The following ADAM22 variants were observed in gnomAD, a reference collection of about 807,000 sequenced individuals.
ADAM22 encodes the protein ADAM metallopeptidase domain 22.
In ADAM22, 65 loss-of-function variants were observed where a neutral mutation model predicts 144.6. That is an observed-to-expected ratio of 0.45 (90% CI 0.37 to 0.55). ADAM22 has a LOEUF of 0.55. Ranked by LOEUF, ADAM22 falls within the 20% of genes least tolerant of loss-of-function variation. The pLI, the probability that ADAM22 is intolerant of heterozygous loss-of-function variation, is 0.00. For synonymous variants in ADAM22, 391 were observed against 412.6 expected (o/e 0.95, Z 0.63); for missense variants, 974 against 1,184.9 (o/e 0.82, Z 2.61).
intron 5 of ADAM22, among the ~76,000 whole-genome samples, chr7:88,113,686 T>A (rs1336833259): frequency 3.2e-4 from 21 of 66,368 alleles, no homozygotes; most frequent in African/African-American, 1.4e-3. Flanking sequence ...AATATATATA[T>A]TATAAATAAA....
At chr7:88,157,085 A>C (rs1360708199) in intron 22 of ADAM22, among the ~76,000 whole-genome samples, 1 of 152,162 alleles carries the variant, frequency 6.6e-6, no homozygotes, top group East Asian at 1.9e-4. Context: ...ATCTTCCAGA[A>C]AGTAGGGTAA....
intron 2 of ADAM22, among the ~76,000 whole-genome samples, chr7:87,946,732 C>T (rs1843761689): frequency 6.6e-6 from 1 of 152,138 alleles, no homozygotes; most frequent in Admixed American, 6.6e-5. Context: ...GAAAATAAAT[C>T]ATTCTACCAA....
chr7:88,043,003 TC>T (rs1803537482), intron 3 of ADAM22, among the ~76,000 whole-genome samples: 1 of 151,684 alleles, frequency 6.6e-6, no homozygotes. Context: ...GACACAAACT[TC>T]CTTGCGCAAT....
intron 3 of ADAM22, among the ~76,000 whole-genome samples, chr7:88,068,701 G>A (rs1052785197): frequency 6.6e-6 from 1 of 152,132 alleles, no homozygotes; most frequent in African/African-American, 2.4e-5. Flanking sequence ...TATTATATCT[G>A]GAAGATGCAA....
chr7:88,156,061 A>C, intron 22 of ADAM22, 55 bp downstream of exon 22: 2 of 1,591,368 alleles, frequency 1.3e-6, no homozygotes, highest in South Asian at 2.3e-5. Context: ...TCAGGAATGC[A>C]GTTTAGGATT....
At chr7:88,054,666 C>T (rs1384083973) in intron 3 of ADAM22, among the ~76,000 whole-genome samples, 1 of 150,478 alleles carries the variant, frequency 6.6e-6, no homozygotes, top group African/African-American at 2.4e-5. Flanking sequence ...TTCCCCTGCA[C>T]GCTTCTATTA....
At chr7:87,999,197 T>C (rs1791948941) in intron 3 of ADAM22, among the ~76,000 whole-genome samples, 1 of 152,184 alleles carries the variant, frequency 6.6e-6, no homozygotes, top group Non-Finnish European at 1.5e-5. Context: ...CTAAAAGGGA[T>C]ATGGGAGACA....
chr7:88,195,579 G>T (rs571400469), intron 31 of ADAM22, among the ~76,000 whole-genome samples: 108 of 152,160 alleles, frequency 7.1e-4, no homozygotes, highest in Non-Finnish European at 1.4e-3. Context: ...GCAATGTCGC[G>T]ATCTCGGCTC....
intron 3 of ADAM22, among the ~76,000 whole-genome samples, chr7:88,066,036 T>C (rs907134372): frequency 1.2e-4 from 19 of 152,204 alleles, no homozygotes; most frequent in Non-Finnish European, 2.6e-4. Context: ...TTAAGACTTT[T>C]ACTGTTTTGA....
At chr7:88,143,431 T>G (rs1372687095) in intron 15 of ADAM22, among the ~76,000 whole-genome samples, 2 of 152,214 alleles carry the variant, frequency 1.3e-5, no homozygotes, top group African/African-American at 2.4e-5. Context: ...TTACTTTTCT[T>G]TTTTATTTTC....
At chr7:88,009,612 A>G (rs1477305021) in intron 3 of ADAM22, among the ~76,000 whole-genome samples, 1 of 147,362 alleles carries the variant, frequency 6.8e-6, no homozygotes, top group Non-Finnish European at 1.5e-5. Flanking sequence ...AAAAAAGTGC[A>G]TTTATATTGA....
intron 4 of ADAM22, among the ~76,000 whole-genome samples, chr7:88,077,912 T>TG (rs1464176053): frequency 6.6e-6 from 1 of 152,200 alleles, no homozygotes; most frequent in East Asian, 1.9e-4. Flanking sequence ...GCTCCACCTC[T>TG]GGGGGCAGGG....
Position 87,982,211 on chromosome 7 carries a change from G to C in ADAM22, c.323+3799G>C, listed in dbSNP as rs4728719. The stretch of plus-strand genomic sequence containing the variant: ...AGGAAACAAAGACTTTACTCTTAGG[G>C]AATTTGCATCTAGCCAGAGAAACAA... On this transcript the variant is annotated intron_variant, in intron 3 of 31. Coordinates refer to ENST00000413139, the MANE Select transcript of ADAM22 (RefSeq NM_001324418.2). Among the ~76,000 whole-genome samples, 871 of 152,012 alleles carry C rather than the reference G, an allele frequency of 5.7e-3. 14 individuals are homozygous for C. The highest frequency in any genetic ancestry group is 0.045 in the East Asian group (234 of 5,168).
chr7:88,148,746 A>T (rs2129525011), intron 17 of ADAM22, among the ~76,000 whole-genome samples: 1 of 152,314 alleles, frequency 6.6e-6, no homozygotes, highest in Middle Eastern at 3.4e-3. Flanking sequence ...TTAGCAGTAT[A>T]ATATAAGGCT....
intron 2 of ADAM22, among the ~76,000 whole-genome samples, chr7:87,974,019 A>T (rs970477674): frequency 4.6e-5 from 7 of 152,002 alleles, no homozygotes; most frequent in Admixed American, 2.6e-4. Flanking sequence ...GCACACCAAC[A>T]TGGCACATGT....
intron 26 of ADAM22, among the ~76,000 whole-genome samples, chr7:88,177,617 A>G (rs1406365717): frequency 6.6e-6 from 1 of 152,228 alleles, no homozygotes; most frequent in African/African-American, 2.4e-5. Context: ...TATGTGCTTC[A>G]TACTAACTGA....
chr7:87,949,189 G>T (rs1313237558), intron 2 of ADAM22, among the ~76,000 whole-genome samples: 1 of 152,138 alleles, frequency 6.6e-6, no homozygotes, highest in Non-Finnish European at 1.5e-5. Context: ...GTGTTGGTAT[G>T]GCCGGGCTCT....
intron 2 of ADAM22, among the ~76,000 whole-genome samples, chr7:87,973,859 A>G (rs7809550): frequency 0.58 from 87,215 of 151,610 alleles, 25,737 homozygotes; most frequent in African/African-American, 0.7. Context: ...AACACCGCAT[A>G]TTCTCACTCA....
chr7:88,074,482 C>T (rs1813669065), intron 3 of ADAM22, among the ~76,000 whole-genome samples: 1 of 152,064 alleles, frequency 6.6e-6, no homozygotes, highest in Admixed American at 6.6e-5. Flanking sequence ...TCCTCAAAAG[C>T]AAATTTATAT....
Sources: gnomAD v4.1 joint callset for allele counts (sites outside exome capture counted in the v4.1 genomes callset) on GRCh38, gnomAD v4.1.1 for gene constraint, MANE v1.5 for transcripts, NCBI Gene and HGNC (gene_info 2026-07-23, HGNC 2026-07-21) for gene names.